Variants in FMNL3 observed in about 807,000 individuals in gnomAD.
FMNL3 encodes formin-like protein 3.
A neutral mutation model predicts 119.6 loss-of-function variants in FMNL3; 57 were observed. The ratio of observed to expected loss-of-function variants is 0.48; its 90% CI spans 0.39 to 0.59. FMNL3 has a LOEUF of 0.59. Ranked by LOEUF, FMNL3 falls within the 20% of genes least tolerant of loss-of-function variation. The probability of loss-of-function intolerance (pLI) is 0.00; values close to 1 mark genes in which losing one functional copy is unlikely to be tolerated. For synonymous variants in FMNL3, 491 were observed against 507.3 expected (o/e 0.97, Z 0.43); for missense variants, 1,053 against 1,323.5 (o/e 0.80, Z 3.17).
At chr12:49,658,058 A>C (rs559441543) in intron 6 of FMNL3, among the ~76,000 whole-genome samples, 1 of 152,138 alleles carries the variant, frequency 6.6e-6, no homozygotes, top group South Asian at 2.1e-4. Context: ...GTGAAGAACT[A>C]GAGGGAAACA....
chr12:49,688,648 ACTG>A (rs1944527940), intron 1 of FMNL3: 2 of 395,604 alleles, frequency 5.1e-6, no homozygotes, highest in Non-Finnish European at 1.0e-5. Context: ...AACCAAAGAA[ACTG>A]CTAAGAAGTC....
rs1243226155 is a variant in FMNL3 at position 49,658,490 on chromosome 12, G to A, written c.557C>T (p.Ala186Val). ...GCGAGCGAGGCTGTTGGTGAAGGGG[G>A]CCGACAGGGCGCTGGGTGGCTGCAG... ...EDLQPPSALS[A>V]PFTNSLARSA... The change falls in exon 6 of 26, where the codon GCC (alanine) becomes GTC (valine). Residue 186 changes from alanine to valine, a missense_variant. This residue lies in a region of FMNL3 where 264 missense variants were observed against 265.5 expected (regional missense o/e 0.99). Transcript: ENST00000335154. 1 of 1,613,388 alleles carries A rather than the reference G, an allele frequency of 6.2e-7. No homozygotes were observed. The highest frequency in any genetic ancestry group is 1.7e-5 in the Admixed American group (1 of 59,966).
intron 1 of FMNL3, among the ~76,000 whole-genome samples, chr12:49,692,158 G>A (rs952719552): frequency 2.0e-5 from 3 of 150,798 alleles, no homozygotes; most frequent in Non-Finnish European, 4.4e-5. Flanking sequence ...TTCAAGAACA[G>A]CCTGGGCAAC....
At chr12:49,694,423 C>T (rs916186781) in intron 1 of FMNL3, among the ~76,000 whole-genome samples, 2 of 152,162 alleles carry the variant, frequency 1.3e-5, no homozygotes, top group Admixed American at 1.3e-4. Flanking sequence ...CTTACATGCA[C>T]CTTCCGTCAC....
chr12:49,645,835 G>A lies in FMNL3; in HGVS notation c.3064C>T (p.Arg1022Trp), dbSNP rs774268068. The change falls in exon 26 of 26, where the codon CGG (arginine) becomes TGG (tryptophan). Residue 1022 changes from arginine (R) to tryptophan (W), a missense_variant. Coordinates refer to ENST00000335154, the MANE Select transcript of FMNL3 (RefSeq NM_175736.5). ...RSAAPPSGPPRAPGPH is the reference protein window; with the variant it reads ...RSAAPPSGPPWAPGPH ...GGGTCTCAGTGGGGGCCTGGAGCCC[G>A]AGGGGGACCACTGGGCGGTGCAGCA... 19 of 1,602,704 alleles carry A rather than the reference G, an allele frequency of 1.2e-5. No individual in the cohort carries two copies. The Admixed American group carries it at 1.4e-4, about 12-fold the overall frequency.
In FMNL3 at chr12:49,637,980, G is replaced by A. The variant is rs1852747444; in HGVS notation, c.*7835C>T. 1 of 616,980 alleles carries A rather than the reference G, an allele frequency of 1.6e-6. No individual in the cohort carries two copies. The highest frequency in any genetic ancestry group is 1.8e-5 in the African/African-American group (1 of 54,444). The allele number at this position is 616,980 out of a possible 1,614,324, so 38.2% of individuals were successfully genotyped here. On this transcript the variant is annotated 3_prime_UTR_variant, in exon 26 of 26. Transcript: ENST00000335154. ...TACTGCACACTAGGGATACAGTAATGAATACACAATTTCTACCACAGGAGC... is the reference window on the plus strand; with the variant it reads ...TACTGCACACTAGGGATACAGTAATAAATACACAATTTCTACCACAGGAGC...
chr12:49,700,614 T>C lies in FMNL3; in HGVS notation c.126+6441A>G, dbSNP rs543343595. On this transcript the variant is annotated intron_variant, in intron 1 of 25. Transcript: ENST00000335154. ...CCTGTAATCCCAGTTACTCAGGAGG[T>C]TGAGGCAGAAGAATTGCTTGAACCC... Among the ~76,000 whole-genome samples, 18 of 136,442 alleles carry C rather than the reference T, an allele frequency of 1.3e-4. No individual in the cohort carries two copies. The East Asian group carries it at 3.5e-3, about 26-fold the overall frequency. The allele number at this position is 136,442 out of a possible 152,430, so 89.5% of individuals were successfully genotyped here. A position where few individuals can be genotyped will look rare whatever the true frequency, so the allele number is the denominator to read the frequency against.
chr12:49,668,447 C>T (rs2138864822), intron 2 of FMNL3, 24 bp downstream of exon 2: 1 of 1,611,308 alleles, frequency 6.2e-7, no homozygotes, highest in African/African-American at 1.3e-5. Flanking sequence ...TCCCTACCTC[C>T]CTCCTCTTTC....
chr12:49,672,534 G>A (rs1944074723), intron 1 of FMNL3, among the ~76,000 whole-genome samples: 1 of 152,244 alleles, frequency 6.6e-6, no homozygotes, highest in South Asian at 2.1e-4. Flanking sequence ...GCCAGTTTGA[G>A]GCCAGGCAAA....
At chr12:49,681,810 G>C (rs1463009895) in intron 1 of FMNL3, among the ~76,000 whole-genome samples, 1 of 150,568 alleles carries the variant, frequency 6.6e-6, no homozygotes, top group Non-Finnish European at 1.5e-5. Context: ...TTCCCACCTT[G>C]GCCTCCCAAA....
At position 49,643,026 on chromosome 12, in the gene FMNL3, C is replaced by T. The variant is rs971148221; in HGVS notation, c.*2789G>A. ...TTCCCACTCACCCTCAGTGAGTAAG[C>T]GTGTAGAAGGGACATGGGGTGAAGC... is the stretch of plus-strand genomic sequence containing the variant. On this transcript the variant is annotated 3_prime_UTR_variant, in exon 26 of 26. Transcript: ENST00000335154. 2 of 1,612,512 alleles carry T rather than the reference C, an allele frequency of 1.2e-6. No individual in the cohort carries two copies. The highest frequency in any genetic ancestry group is 2.2e-5 in the East Asian group (1 of 44,852).
intron 1 of FMNL3, among the ~76,000 whole-genome samples, chr12:49,670,372 C>A (rs1478014412): frequency 6.6e-6 from 1 of 152,170 alleles, no homozygotes; most frequent in Non-Finnish European, 1.5e-5. Flanking sequence ...CTCATCTAGC[C>A]CCTAAAGTGC....
intron 1 of FMNL3, among the ~76,000 whole-genome samples, chr12:49,696,116 TC>T (rs1269218372): frequency 6.6e-6 from 1 of 152,220 alleles, no homozygotes; most frequent in Non-Finnish European, 1.5e-5. Context: ...AATACCAAAA[TC>T]CCCAGATGCT....
chr12:49,703,272 T>C (rs1214945792), intron 1 of FMNL3, among the ~76,000 whole-genome samples: 1 of 152,224 alleles, frequency 6.6e-6, no homozygotes, highest in African/African-American at 2.4e-5. Context: ...AGTCCAGTAC[T>C]GGCCAGAATA....
chr12:49,646,860 G>T, intron 25 of FMNL3, 26 bp downstream of exon 25: 27 of 1,612,800 alleles, frequency 1.7e-5, no homozygotes, highest in South Asian at 2.2e-5. Context: ...CAATGGCCAG[G>T]CCCCAGGGAG....
Position 49,653,290 on chromosome 12 carries a change from A to G in FMNL3, c.1259T>C (p.Met420Thr). The change falls in exon 13 of 26, where the codon ATG becomes ACG. Residue 420 changes from methionine (M) to threonine (T), a missense_variant. By Grantham distance (81) the Met-to-Thr change is moderately conservative. Coordinates refer to ENST00000335154, the MANE Select transcript of FMNL3 (RefSeq NM_175736.5). ...CTTCTCTAGTTCTGCCACCCGCATC[A>G]TGTTTTCATTCTCTAGGTCCAGAAG... is the stretch of plus-strand genomic sequence containing the variant. ...EKLLDLENENMMRVAELEKQL... is the reference protein window; with the variant it reads ...EKLLDLENENTMRVAELEKQL... 2 of 1,614,042 alleles carry G rather than the reference A, an allele frequency of 1.2e-6. No individual in the cohort carries two copies. The highest frequency in any genetic ancestry group is 1.7e-6 in the Non-Finnish European group (2 of 1,180,016).
chr12:49,702,732 G>A (rs1944942498), intron 1 of FMNL3, among the ~76,000 whole-genome samples: 1 of 151,986 alleles, frequency 6.6e-6, no homozygotes. Flanking sequence ...TTCTCTGTGG[G>A]GTCTCTGAAC....
chr12:49,643,041 TG>T lies in FMNL3; in HGVS notation c.*2773del, dbSNP rs748049386. ...AGTGAGTAAGCGTGTAGAAGGGACA[TG>T]GGGTGAAGCTGGGTTGTTTTGGGGA... On this transcript the variant is annotated 3_prime_UTR_variant, in exon 26 of 26. Coordinates refer to ENST00000335154, the MANE Select transcript of FMNL3 (RefSeq NM_175736.5). 4.3e-6 allele frequency: 7 copies of T among 1,611,170 alleles called. No homozygotes were observed. In the South Asian group the frequency reaches 7.7e-5, roughly 18 times the overall value.
Position 49,647,850 on chromosome 12 carries a change from G to A in FMNL3, c.2677-46C>T, listed in dbSNP as rs370381839. 53 of 1,456,978 alleles carry A rather than the reference G, an allele frequency of 3.6e-5. No homozygotes were observed. The highest frequency in any genetic ancestry group is 1.9e-4 in the Admixed American group (11 of 59,184). The allele number at this position is 1,456,978 out of a possible 1,614,324, so 90.3% of individuals were successfully genotyped here. A position where few individuals can be genotyped will look rare whatever the true frequency, so the allele number is the denominator to read the frequency against. Reference sequence around the variant, plus strand: ...ATGGGTCACCCTGGCAGGAAGATCAGCCCAGCTCCCACACCACGGATGAGA... The same window carrying A: ...ATGGGTCACCCTGGCAGGAAGATCAACCCAGCTCCCACACCACGGATGAGA... On this transcript the variant is annotated intron_variant, in intron 22 of 25. Transcript: ENST00000335154. The surrounding 1 kb of genome is among the most constrained non-coding windows in gnomAD (Gnocchi z 4.9).
Sources: allele counts gnomAD v4.1 joint callset (sites outside exome capture counted in the v4.1 genomes callset), GRCh38; gene constraint gnomAD v4.1.1; regional missense constraint gnomAD v4.1.1; non-coding constraint Gnocchi (gnomAD v3.1); transcripts MANE v1.5; gene names NCBI Gene and HGNC (gene_info 2026-07-23, HGNC 2026-07-21).